GYG2: variants seen among roughly 807,000 people sequenced by gnomAD.
GYG2 encodes glycogenin 2.
Under a neutral mutation model 29.4 loss-of-function variants are expected in GYG2, and 29 were observed. That is an observed-to-expected ratio of 0.99 (90% CI 0.74 to 1.35). The LOEUF is 1.35. Ranked by LOEUF, GYG2 falls within the 40% of genes most tolerant of loss-of-function variation. The probability of loss-of-function intolerance (pLI) is 0.00; values close to 1 mark genes in which losing one functional copy is unlikely to be tolerated. For synonymous variants in GYG2, 167 were observed against 172.3 expected, an observed-to-expected ratio of 0.97 and a Z score of 0.24; for missense variants, 370 against 385.7, an observed-to-expected ratio of 0.96 and a Z score of 0.34.
At chrX:2,831,382 AC>A (rs1370837585) in intron 2 of GYG2, among the ~76,000 whole-genome samples, 2 of 111,935 alleles carry the variant, frequency 1.8e-5, no homozygotes, top group Non-Finnish European at 3.8e-5. Flanking sequence ...GCAATTTAAA[AC>A]ACACAAACAG....
At chrX:2,848,525 G>T (rs2087797752) in intron 3 of GYG2, among the ~76,000 whole-genome samples, 1 of 85,934 alleles carries the variant, frequency 1.2e-5, no homozygotes, top group African/African-American at 4.4e-5. Flanking sequence ...GTGACAGAGC[G>T]AGACTCTGTC....
chrX:2,869,676 C>T (rs1019561566), intron 8 of GYG2, among the ~76,000 whole-genome samples: 1 of 112,132 alleles, frequency 8.9e-6, no homozygotes, highest in Non-Finnish European at 1.9e-5. Context: ...GACAGGGTCT[C>T]GCTCTGTTGC....
At chrX:2,876,504 T>A (rs759850038) in intron 9 of GYG2, among the ~76,000 whole-genome samples, 1 of 111,276 alleles carries the variant, frequency 9.0e-6, no homozygotes, top group Non-Finnish European at 1.9e-5. Context: ...CTCTGAAAAT[T>A]TAACTTCCAT....
In GYG2 at chrX:2,866,236, T is replaced by A. The variant is rs149157711; in HGVS notation, c.1038+4514T>A. On this transcript the variant is annotated intron_variant, in intron 8 of 10. Transcript: ENST00000398806. ...AAGGCCAGGCACAGTGGCTCACTCC[T>A]GTAATCCCTGCACTTTGGGAGGCTG... 1.1e-3 allele frequency among the ~76,000 whole-genome samples: 123 copies of A among 112,230 alleles called. 3 individuals carry two copies. The highest frequency in any genetic ancestry group is 3.8e-3 in the African/African-American group (118 of 30,924).
chrX:2,876,078 C>T (rs1219619084), intron 9 of GYG2, among the ~76,000 whole-genome samples, 164 bp downstream of exon 9: 1 of 81,664 alleles, frequency 1.2e-5, no homozygotes, highest in Non-Finnish European at 2.2e-5. Flanking sequence ...TTTCTCCCAC[C>T]TGGAATAAGT....
rs142907396 is a variant in GYG2, at chrX:2,856,719, CTCTATCTA to C, written c.614+106_614+113del. On this transcript the variant is annotated intron_variant, in intron 6 of 10. Transcript: ENST00000398806. Reference sequence around the variant, plus strand: ...TACCAGCTGTCGGCATATTTAAAAACTCTATCTATCTATCTATCATCTATCTATCTATG... The same window carrying C: ...TACCAGCTGTCGGCATATTTAAAAACTCTATCTATCATCTATCTATCTATG... The C allele has an allele frequency of 1.8e-4, 86 of 470,514 alleles. No homozygotes were observed. The African/African-American group carries it at 2.1e-3, about 12-fold the overall frequency. The allele number at this position is 470,514 out of a possible 1,213,427, so 38.8% of individuals were successfully genotyped here.
chrX:2,874,131 C>T (rs1052319570), intron 8 of GYG2, among the ~76,000 whole-genome samples: 4 of 109,291 alleles, frequency 3.7e-5, no homozygotes, highest in African/African-American at 1.3e-4. Context: ...ATTGCACTTT[C>T]GTGATTATGA....
chrX:2,860,725 TTTTG>T (rs200840274), intron 7 of GYG2, among the ~76,000 whole-genome samples: 2,704 of 104,736 alleles, frequency 0.026, 110 homozygotes, highest in African/African-American at 0.087. Context: ...AAAACTAGAG[TTTTG>T]TTTGTTTGTT....
At chrX:2,847,726 A>ATAAG in intron 3 of GYG2, among the ~76,000 whole-genome samples, 1 of 107,270 alleles carries the variant, frequency 9.3e-6, no homozygotes, top group Admixed American at 1.0e-4. Flanking sequence ...AAATAAATAA[A>ATAAG]TAAATAAATA....
chrX:2,867,844 C>G (rs924833326), intron 8 of GYG2, among the ~76,000 whole-genome samples: 1 of 112,137 alleles, frequency 8.9e-6, no homozygotes, highest in Non-Finnish European at 1.9e-5. Context: ...TCTGTAATCC[C>G]AACACTTTGG....
intron 2 of GYG2, among the ~76,000 whole-genome samples, chrX:2,833,732 G>T (rs763622495): frequency 8.9e-6 from 1 of 112,308 alleles, no homozygotes; most frequent in African/African-American, 3.2e-5. Context: ...AAAAACCAGA[G>T]CCTGTGGTTA....
In GYG2 at chrX:2,854,091, C is replaced by G; in HGVS notation, c.261C>G (p.Thr87=). 8.3e-7 allele frequency: 1 copy of G among 1,207,337 alleles called. No individual in the cohort carries two copies. Among genetic ancestry groups the G allele is most frequent in the African/African-American group, 1.7e-5 (1 of 57,846 alleles). ...LKRPELGLTL[T]KLHCWTLTHY... Reference sequence around the variant, plus strand: ...GACCTGAGCTCGGGCTCACCCTCACCAAGCTTCACTGTTGGACTCTCACTC... The same window carrying G: ...GACCTGAGCTCGGGCTCACCCTCACGAAGCTTCACTGTTGGACTCTCACTC... Residue 87 remains threonine, a synonymous_variant, in exon 4 of 11, where the codon ACC becomes ACG. Transcript: ENST00000398806.
intron 2 of GYG2, among the ~76,000 whole-genome samples, chrX:2,841,187 G>A (rs1439308006): frequency 9.2e-6 from 1 of 108,859 alleles, no homozygotes; most frequent in South Asian, 4.1e-4. Context: ...ATGGATGGAT[G>A]GATATATGAC....
intron 7 of GYG2, among the ~76,000 whole-genome samples, chrX:2,860,643 CT>C (rs140288633): frequency 0.056 from 4,520 of 80,332 alleles, 190 homozygotes; most frequent in African/African-American, 0.14. Context: ...AAAACTTGAG[CT>C]TTTTTTTTTT....
rs376578478 is a variant in GYG2 at position 2,876,033 on chromosome X, C to T, written c.1143+119C>T. 844 of 186,498 alleles carry T rather than the reference C, an allele frequency of 4.5e-3. 19 individuals are homozygous for T. In the African/African-American group the frequency reaches 0.051, roughly 11 times the overall value. 15.4% of individuals were successfully genotyped at this position (186,498 alleles called of 1,213,427 possible). ...GCCATAGGCTTTTAAAAATTCCTCC[C>T]TTTTTTTTTTTTTTTTTTTTTTTTT... On this transcript the variant is annotated intron_variant, in intron 9 of 10. Coordinates refer to ENST00000398806, the MANE Select transcript of GYG2 (RefSeq NM_001079855.2).
chrX:2,840,935 T>C lies in GYG2; in HGVS notation c.8-2278T>C, dbSNP rs2087479416. The stretch of plus-strand genomic sequence containing the variant: ...GGTGGATAGATGGATGGATAGATGA[T>C]AGGTAGATGGATAGATAGATGATGG... On this transcript the variant is annotated intron_variant, in intron 2 of 10. Transcript: ENST00000398806. Among the ~76,000 whole-genome samples the C allele has an allele frequency of 2.7e-5, 3 of 110,215 alleles. No individual in the cohort carries two copies. The South Asian group carries it at 1.2e-3, about 43-fold the overall frequency.
intron 8 of GYG2, among the ~76,000 whole-genome samples, chrX:2,868,390 G>T (rs2088355082): frequency 9.7e-6 from 1 of 103,022 alleles, no homozygotes. Context: ...CCGGGAGGTG[G>T]AGGTTGCAGT....
chrX:2,850,924 A>G (rs183741164), intron 3 of GYG2, among the ~76,000 whole-genome samples: 6 of 111,575 alleles, frequency 5.4e-5, no homozygotes, highest in Admixed American at 3.8e-4. Context: ...GTCTCTTCAC[A>G]CGGACGGGAG....
At chrX:2,872,596 A>T (rs1327236976) in intron 8 of GYG2, among the ~76,000 whole-genome samples, 1 of 112,354 alleles carries the variant, frequency 8.9e-6, no homozygotes, top group Non-Finnish European at 1.9e-5. Flanking sequence ...TCAAACATAT[A>T]ACCCCGAGTT....
Sources: allele counts gnomAD v4.1 joint callset (sites outside exome capture counted in the v4.1 genomes callset), GRCh38; gene constraint gnomAD v4.1.1; transcripts MANE v1.5; gene names NCBI Gene and HGNC (gene_info 2026-07-23, HGNC 2026-07-21).